Variants in FNBP1 observed in about 807,000 individuals in gnomAD.
FNBP1 encodes formin binding protein 1.
FNBP1 carries 26 observed loss-of-function variants against 90.6 expected under a neutral mutation model. The ratio of observed to expected loss-of-function variants is 0.29; its 90% CI spans 0.21 to 0.40. The LOEUF is 0.40. Ranked by LOEUF, FNBP1 falls within the 10% of genes least tolerant of loss-of-function variation. The probability of loss-of-function intolerance (pLI) is 1.00; values close to 1 mark genes in which losing one functional copy is unlikely to be tolerated. For missense variants in FNBP1, 635 were observed against 768.0 expected, an observed-to-expected ratio of 0.83 and a Z score of 2.05; for synonymous variants, 260 against 265.2, an observed-to-expected ratio of 0.98 and a Z score of 0.19.
the FNBP1 span, chr9:130,053,731 G>A: frequency 5.0e-6 from 3 of 594,560 alleles, no homozygotes; most frequent in Non-Finnish European, 8.9e-6. Flanking sequence ...CTGAAAGTCT[G>A]CACAGGAGCG....
intron 1 of FNBP1, among the ~76,000 whole-genome samples, chr9:129,997,576 C>T (rs888250048): frequency 2.6e-5 from 4 of 152,210 alleles, no homozygotes; most frequent in Non-Finnish European, 4.4e-5. Context: ...ACAACTCAAG[C>T]TATGACTACA....
rs2050820995 is a variant in FNBP1 at position 129,979,318 on chromosome 9, T to C, written c.197A>G (p.Lys66Arg). 1.3e-6 allele frequency: 2 copies of C among 1,590,260 alleles called. No homozygotes were observed. Reference protein sequence around the residue: ...KKNSKEEEEYKYTSCKAFISN... With the variant: ...KKNSKEEEEYRYTSCKAFISN... ...AGACAATTTTCAATGGTAAACATAC[T>C]TGTATTCTTCTTCCTCCTTCGAGTT... Residue 66 changes from lysine to arginine, a missense_variant and splice_region_variant, in exon 3 of 17, where the codon AAG (lysine) becomes AGG (arginine). By Grantham distance (26) the Lys-to-Arg change is conservative (BLOSUM62 2). Transcript: ENST00000446176.
intron 1 of FNBP1, among the ~76,000 whole-genome samples, chr9:130,003,672 C>G (rs2055207848): frequency 6.6e-6 from 1 of 150,570 alleles, no homozygotes; most frequent in African/African-American, 2.4e-5. Flanking sequence ...GCCTGTAATT[C>G]CAGCACTTTG....
intron 1 of FNBP1, among the ~76,000 whole-genome samples, chr9:130,001,055 T>TG (rs2054754801): frequency 6.6e-6 from 1 of 152,134 alleles, no homozygotes; most frequent in Non-Finnish European, 1.5e-5. Context: ...AATGGTGGGC[T>TG]GGGCATGGTG....
chr9:129,914,083 T>C (rs2039833131), intron 11 of FNBP1, among the ~76,000 whole-genome samples: 1 of 151,778 alleles, frequency 6.6e-6, no homozygotes, highest in Non-Finnish European at 1.5e-5. Flanking sequence ...CTAGAACTCC[T>C]GGGCGCAAAT....
At chr9:129,919,014 C>G in intron 10 of FNBP1, 1 of 48,542 alleles carries the variant, frequency 2.1e-5, no homozygotes, top group Non-Finnish European at 4.6e-5. Flanking sequence ...TTTTTTTTTT[C>G]CTGGTGTCCA....
intron 4 of FNBP1, among the ~76,000 whole-genome samples, chr9:129,969,065 A>G (rs994105703): frequency 1.3e-5 from 2 of 152,176 alleles, no homozygotes; most frequent in Non-Finnish European, 2.9e-5. Context: ...CTTTTCTTCA[A>G]TAACTTGACT....
At chr9:129,901,523 C>T (rs1174008607) in intron 13 of FNBP1, among the ~76,000 whole-genome samples, 5 of 151,860 alleles carry the variant, frequency 3.3e-5, no homozygotes, top group Admixed American at 2.6e-4. Context: ...GGTGACAGAG[C>T]GAGACTCTGT....
chr9:129,920,714 C>T (rs1242988531), intron 10 of FNBP1, among the ~76,000 whole-genome samples: 1 of 152,088 alleles, frequency 6.6e-6, no homozygotes, highest in African/African-American at 2.4e-5. Context: ...TTTTGGCCAA[C>T]AGACTGTGTA....
At chr9:129,895,400 C>A in intron 16 of FNBP1, 1 of 1,088,752 alleles carries the variant, frequency 9.2e-7, no homozygotes, top group South Asian at 4.5e-5. Context: ...CAATCTGTAA[C>A]CACCTAATGT....
chr9:129,952,191 C>G (rs920333540), intron 6 of FNBP1, among the ~76,000 whole-genome samples: 7 of 149,142 alleles, frequency 4.7e-5, no homozygotes, highest in African/African-American at 1.7e-4. Flanking sequence ...GACTCTATTT[C>G]AAAACAAAAA....
At chr9:129,999,835 T>A (rs2054571702) in intron 1 of FNBP1, among the ~76,000 whole-genome samples, 2 of 152,130 alleles carry the variant, frequency 1.3e-5, no homozygotes, top group Non-Finnish European at 2.9e-5. Context: ...TTTTTGCAAA[T>A]CTCTTTAATG....
intron 1 of FNBP1, chr9:130,013,835 G>C (rs2056917094): frequency 4.6e-6 from 2 of 439,540 alleles, no homozygotes; most frequent in African/African-American, 2.0e-5. Flanking sequence ...GAGTGGGCTT[G>C]TTACAAAAGG....
chr9:130,038,259 G>C (rs1157669377), intron 1 of FNBP1, among the ~76,000 whole-genome samples: 1 of 151,188 alleles, frequency 6.6e-6, no homozygotes, highest in African/African-American at 2.4e-5. Context: ...GGAGGCTGAG[G>C]CTGGAGAATG....
chr9:129,900,586 A>G lies in FNBP1; in HGVS notation c.1429-39T>C. On this transcript the variant is annotated intron_variant, in intron 13 of 16. Coordinates refer to ENST00000446176, the MANE Select transcript of FNBP1 (RefSeq NM_015033.3). This position sits in a 1 kb window ranked among gnomAD's most constrained non-coding sequence, Gnocchi z 4.1. ...CAATGAGAGACTCCAACCTAAGGCC[A>G]TCTGAGGGTCAGCCCAGAGTGTCCT... 6.8e-7 allele frequency: 1 copy of G among 1,472,596 alleles called. No individual in the cohort carries two copies. Among genetic ancestry groups the G allele is most frequent in the Non-Finnish European group, 9.0e-7 (1 of 1,113,994 alleles). The allele number at this position is 1,472,596 out of a possible 1,614,324, so 91.2% of individuals were successfully genotyped here. A position where few individuals can be genotyped will look rare whatever the true frequency, so the allele number is the denominator to read the frequency against.
chr9:129,903,019 T>C lies in FNBP1; in HGVS notation c.1296-18A>G, dbSNP rs1043220752. 3 of 1,556,060 alleles carry C rather than the reference T, an allele frequency of 1.9e-6. No homozygotes were observed. In the African/African-American group the frequency reaches 4.1e-5, roughly 21 times the overall value. Reference sequence around the variant, plus strand: ...TGGCATCTCTGAAAGAAAGAACGAGTAGAATGCTGTAAAGGTTACTCCATT... The same window carrying C: ...TGGCATCTCTGAAAGAAAGAACGAGCAGAATGCTGTAAAGGTTACTCCATT... On this transcript the variant is annotated intron_variant, in intron 12 of 16. Transcript: ENST00000446176.
intron 1 of FNBP1, among the ~76,000 whole-genome samples, chr9:130,016,377 A>G (rs1276143548): frequency 6.6e-6 from 1 of 152,056 alleles, no homozygotes; most frequent in Non-Finnish European, 1.5e-5. Flanking sequence ...TTTCTTCTTC[A>G]CAATACCTGA....
At chr9:129,963,454 G>A (rs537283656) in intron 4 of FNBP1, among the ~76,000 whole-genome samples, 4 of 151,996 alleles carry the variant, frequency 2.6e-5, no homozygotes, top group African/African-American at 4.8e-5. Context: ...TTTAAGGCAC[G>A]GTGTGCACCT....
chr9:129,907,838 C>T (rs1303966708), intron 12 of FNBP1, among the ~76,000 whole-genome samples: 5 of 151,828 alleles, frequency 3.3e-5, no homozygotes, highest in Admixed American at 6.6e-5. Context: ...ATGCCATTCT[C>T]CTGTCTCAGC....
Sources: gnomAD v4.1 joint callset for allele counts (sites outside exome capture counted in the v4.1 genomes callset) on GRCh38, gnomAD v4.1.1 for gene constraint, Gnocchi (gnomAD v3.1) non-coding constraint, MANE v1.5 for transcripts, NCBI Gene and HGNC (gene_info 2026-07-23, HGNC 2026-07-21) for gene names.